MYO19: variants seen among roughly 807,000 people sequenced by gnomAD.
MYO19 encodes myosin XIX.
A neutral mutation model predicts 129.2 loss-of-function variants in MYO19; 132 were observed. That is an observed-to-expected ratio of 1.02 (90% confidence interval 0.89 to 1.18). The LOEUF (loss-of-function observed/expected upper bound fraction) is 1.18. Among genes scored for constraint, MYO19 ranks in the 50% most tolerant of loss-of-function variants. MYO19 has a pLI of 0.00. For synonymous variants in MYO19, 531 were observed against 477.2 expected (o/e 1.11, Z -1.47); for missense variants, 1,210 against 1,216.7 (o/e 0.99, Z 0.08).
At chr17:36,532,759 TAGC>T (rs1305394877) in intron 2 of MYO19, 78 bp from the exon 3 acceptor site, 1 of 607,120 alleles carries the variant, frequency 1.6e-6, no homozygotes, top group East Asian at 2.8e-5. Context: ...CCTTCCCACC[TAGC>T]AGAAGCAACC....
In MYO19 at chr17:36,498,485, G is replaced by A. The variant is rs374379937; in HGVS notation, c.2538C>T (p.Ser846=). 2 of 1,613,938 alleles carry A rather than the reference G, an allele frequency of 1.2e-6. No individual in the cohort carries two copies. The highest frequency in any genetic ancestry group is 2.7e-5 in the African/African-American group (2 of 74,940). The part of the protein sequence containing the change: ...EEKHFSQAPC[S]LSTSPLQTRL... ...TGGTCTGCAGCGGCGAGGTGCTCAGGGAACAGGGAGCTTGAGAGAAGTGTT... is the reference window on the plus strand; with the variant it reads ...TGGTCTGCAGCGGCGAGGTGCTCAGAGAACAGGGAGCTTGAGAGAAGTGTT... The change falls in exon 25 of 26, where the codon TCC becomes TCT. Residue 846 remains serine, a synonymous_variant. Coordinates refer to ENST00000614623, the MANE Select transcript of MYO19 (RefSeq NM_001163735.2).
upstream of MYO19, chr17:36,535,616 C>T (rs910360677): frequency 2.0e-5 from 3 of 152,182 alleles, no homozygotes; most frequent in African/African-American, 7.2e-5. Flanking sequence ...ACGGGTAGGG[C>T]GCGGCCAGGT....
chr17:36,522,696 C>CCCA (rs1424922987), intron 6 of MYO19, among the ~76,000 whole-genome samples: 1 of 151,792 alleles, frequency 6.6e-6, no homozygotes, highest in African/African-American at 2.4e-5. Context: ...TTGGTGAAAC[C>CCCA]CCACTCTACT....
At chr17:36,528,304 C>G in intron 3 of MYO19, 102 bp from the exon 4 acceptor site, 1 of 1,254,772 alleles carries the variant, frequency 8.0e-7, no homozygotes, top group African/African-American at 1.5e-5. Context: ...GTGAGGAGAT[C>G]GAGACCATCC....
At chr17:36,536,734 C>T (rs1011980929), upstream of MYO19, among the ~76,000 whole-genome samples, 8 of 152,114 alleles carry the variant, frequency 5.3e-5, no homozygotes, top group Non-Finnish European at 1.0e-4. Flanking sequence ...AGGCTGGTCT[C>T]GAACTCCTGA....
intron 12 of MYO19, 151 bp from the exon 13 acceptor site, chr17:36,511,068 C>T (rs546075235): frequency 1.1e-6 from 1 of 909,122 alleles, no homozygotes; most frequent in Non-Finnish European, 1.6e-6. Flanking sequence ...CCAAAGGACT[C>T]CATAAACAGC....
chr17:36,538,657 A>G (rs1446797529), upstream of MYO19: 1 of 1,414,934 alleles, frequency 7.1e-7, no homozygotes. Context: ...GCAATATTTA[A>G]TGAGGAATAT....
At position 36,525,278 on chromosome 17, in the gene MYO19, C is replaced by G; in HGVS notation, c.364G>C (p.Glu122Gln). The G allele has an allele frequency of 6.2e-7, 1 of 1,613,992 alleles. No homozygotes were observed. Among genetic ancestry groups the G allele is most frequent in the Non-Finnish European group, 8.5e-7 (1 of 1,179,876 alleles). Reference sequence around the variant, plus strand: ...ACAACAATAGACTGGTTGACTGGTTCAATCAGGCTCTTGACATTCCTGTAG... The same window carrying G: ...ACAACAATAGACTGGTTGACTGGTTGAATCAGGCTCTTGACATTCCTGTAG... Reference protein sequence around the residue: ...QTYRNVKSLIEPVNQSIVVSG... With the variant: ...QTYRNVKSLIQPVNQSIVVSG... Residue 122 changes from glutamate to glutamine, a missense_variant, in exon 6 of 26, where the codon GAA becomes CAA. Coordinates refer to ENST00000614623, the MANE Select transcript of MYO19 (RefSeq NM_001163735.2).
At chr17:36,514,379 G>A in intron 9 of MYO19, 67 bp downstream of exon 9, 1 of 1,014,160 alleles carries the variant, frequency 9.9e-7, no homozygotes. Context: ...TGGGGAGTGG[G>A]GGGTTGAAAA....
chr17:36,519,915 C>A (rs2073035496), intron 6 of MYO19, among the ~76,000 whole-genome samples: 1 of 152,080 alleles, frequency 6.6e-6, no homozygotes, highest in South Asian at 2.1e-4. Flanking sequence ...TGTGGGCTTA[C>A]AGTTTTTGTC....
chr17:36,523,610 G>A (rs1025934464), intron 6 of MYO19, among the ~76,000 whole-genome samples: 4 of 152,050 alleles, frequency 2.6e-5, no homozygotes, highest in African/African-American at 9.7e-5. Context: ...AATTATGCAA[G>A]AATATATAGT....
At chr17:36,506,028 G>A (rs910389579) in intron 18 of MYO19, among the ~76,000 whole-genome samples, 1 of 152,242 alleles carries the variant, frequency 6.6e-6, no homozygotes, top group Admixed American at 6.5e-5. Flanking sequence ...TGATGGGGCA[G>A]TAGTCAAGAG....
intron 6 of MYO19, among the ~76,000 whole-genome samples, chr17:36,522,052 AG>A (rs2073169619): frequency 6.6e-6 from 1 of 151,308 alleles, no homozygotes; most frequent in Non-Finnish European, 1.5e-5. Flanking sequence ...AAAAAAGAAA[AG>A]AAAAAGAAAA....
chr17:36,512,490 T>C (rs2072426858), intron 11 of MYO19, among the ~76,000 whole-genome samples: 1 of 151,842 alleles, frequency 6.6e-6, no homozygotes, highest in African/African-American at 2.4e-5. Context: ...CTCCATGTGC[T>C]ACTGGTCTTC....
chr17:36,509,605 G>A (rs1438737122), intron 13 of MYO19: 2 of 188,900 alleles, frequency 1.1e-5, no homozygotes, highest in East Asian at 1.4e-4. Context: ...CCCCAGTCCC[G>A]AGGTCAACAA....
upstream of MYO19, chr17:36,537,380 G>A: frequency 1.2e-6 from 2 of 1,613,882 alleles, no homozygotes; most frequent in African/African-American, 1.3e-5. Flanking sequence ...GGGCAGGGCT[G>A]TTGTATCAAA....
At chr17:36,540,660 G>A (rs778663360) in intron 2 of MYO19, among the ~76,000 whole-genome samples, 1 of 151,988 alleles carries the variant, frequency 6.6e-6, no homozygotes, top group African/African-American at 2.4e-5. Flanking sequence ...ATGAGCCACC[G>A]CACCCAACCA....
intron 12 of MYO19, 139 bp from the exon 13 acceptor site, chr17:36,511,056 A>G (rs2072288927): frequency 4.0e-6 from 4 of 1,000,144 alleles, no homozygotes; most frequent in Non-Finnish European, 5.7e-6. Flanking sequence ...GAAGTGACTC[A>G]CCCAAAGGAC....
At position 36,541,135 on chromosome 17, in the gene MYO19, G is replaced by C. The variant is rs1177689890; in HGVS notation, n.395+946C>G. On this transcript the variant is annotated intron_variant and non_coding_transcript_variant, in intron 2 of 2. Transcript: ENST00000610496. Reference sequence around the variant, plus strand: ...GCTGATTTTTTGTATTTTTATTAGAGACGGGGTTTCACCGTTAGCCAAGAT... The same window carrying C: ...GCTGATTTTTTGTATTTTTATTAGACACGGGGTTTCACCGTTAGCCAAGAT... 4.6e-5 allele frequency among the ~76,000 whole-genome samples: 7 copies of C among 151,906 alleles called. No homozygotes were observed. The South Asian group carries it at 6.2e-4, about 14-fold the overall frequency.
Sources: allele counts gnomAD v4.1 joint callset (sites outside exome capture counted in the v4.1 genomes callset), GRCh38; gene constraint gnomAD v4.1.1; transcripts MANE v1.5; gene names NCBI Gene and HGNC (gene_info 2026-07-23, HGNC 2026-07-21).